Variants in WDR33 observed in about 807,000 individuals in gnomAD.
The protein encoded by WDR33 is WD repeat domain 33, also known as pre-mRNA 3' end processing protein WDR33.
WDR33 carries 47 observed loss-of-function variants against 164.9 expected under a neutral mutation model. The ratio of observed to expected loss-of-function variants is 0.29; its 90% confidence interval spans 0.23 to 0.36. The LOEUF is 0.36. Ranked by LOEUF, WDR33 falls within the 10% of genes least tolerant of loss-of-function variation. The probability of loss-of-function intolerance (pLI) is 1.00; values close to 1 mark genes in which losing one functional copy is unlikely to be tolerated. For synonymous variants in WDR33, 505 were observed against 589.0 expected (o/e 0.86, Z 2.06); for missense variants, 1,137 against 1,754.1 (o/e 0.65, Z 6.28).
At chr2:127,725,569 A>C (rs974634819) in intron 8 of WDR33, among the ~76,000 whole-genome samples, 1 of 152,124 alleles carries the variant, frequency 6.6e-6, no homozygotes, top group Non-Finnish European at 1.5e-5. Context: ...CCCAGACTCT[A>C]CTAAAAATAC....
chr2:127,742,361 T>C (rs187316482), intron 7 of WDR33, among the ~76,000 whole-genome samples: 3 of 150,890 alleles, frequency 2.0e-5, no homozygotes, highest in Admixed American at 1.3e-4. Flanking sequence ...TAAAACTAAA[T>C]AAAAATAAAA....
intron 1 of WDR33, among the ~76,000 whole-genome samples, chr2:127,773,600 T>A (rs893214399): frequency 2.0e-5 from 3 of 152,364 alleles, no homozygotes; most frequent in African/African-American, 7.2e-5. Context: ...GAGCTGTGTG[T>A]GAATTAAACG....
Position 127,797,027 on chromosome 2 carries a change from CA to C in WDR33, c.-24+13984del, listed in dbSNP as rs1689064839. On this transcript the variant is annotated intron_variant, in intron 1 of 21. Transcript: ENST00000322313. ...TCAATACTCACAGTGCACCACCAGT[CA>C]TTCCACCACACAAAGCACATGAATG... Among the ~76,000 whole-genome samples the C allele has an allele frequency of 2.0e-5, 3 of 152,150 alleles. No individual in the cohort carries two copies. The South Asian group carries it at 6.2e-4, about 32-fold the overall frequency.
chr2:127,711,782 T>TATATATATATATATATATATATATATA (rs1558919467), intron 18 of WDR33, among the ~76,000 whole-genome samples: 3 of 84,430 alleles, frequency 3.6e-5, no homozygotes, highest in African/African-American at 1.5e-4. Flanking sequence ...ATATATATAT[T>TATATATATATATATATATATATATATA]TTTTTTTTGA....
Position 127,704,133 on chromosome 2 carries a change from CTCAAA to C in WDR33, c.*2185_*2189del, listed in dbSNP as rs1014627679. On this transcript the variant is annotated 3_prime_UTR_variant, in exon 22 of 22. Transcript: ENST00000322313. ...CGAGACCTTGTCTCAAAAATTTTTT[CTCAAA>C]TCAAACATCATTGAAAATCTACTTT... 2 of 166,458 alleles carry C rather than the reference CTCAAA, an allele frequency of 1.2e-5. No homozygotes were observed. Among genetic ancestry groups the C allele is most frequent in the African/African-American group, 2.4e-5 (1 of 41,210 alleles). 10.3% of individuals were successfully genotyped at this position (166,458 alleles called of 1,614,324 possible). A position where few individuals can be genotyped will look rare whatever the true frequency, so the allele number is the denominator to read the frequency against.
At chr2:127,752,620 A>G (rs927566375) in intron 7 of WDR33, among the ~76,000 whole-genome samples, 2 of 145,900 alleles carry the variant, frequency 1.4e-5, no homozygotes, top group African/African-American at 5.1e-5. Context: ...AAAAAAAAAA[A>G]GAAACAGTCT....
intron 1 of WDR33, among the ~76,000 whole-genome samples, chr2:127,785,932 CT>C (rs1688548950): frequency 6.6e-6 from 1 of 152,256 alleles, no homozygotes; most frequent in South Asian, 2.1e-4. Flanking sequence ...TGCATTCCAA[CT>C]GGCAAAGTGA....
chr2:127,717,133 A>G lies in WDR33; in HGVS notation c.2869+22T>C. ...CAAAGGTGGTAGAATATAATCTTTTATTCAGCTGAGCAGATATTTACCTTT... is the reference window on the plus strand; with the variant it reads ...CAAAGGTGGTAGAATATAATCTTTTGTTCAGCTGAGCAGATATTTACCTTT... On this transcript the variant is annotated intron_variant, in intron 17 of 21. Coordinates refer to ENST00000322313, the MANE Select transcript of WDR33 (RefSeq NM_018383.5). The surrounding 1 kb of genome is among the most constrained non-coding windows in gnomAD (Gnocchi z 5.6). 3.2e-6 allele frequency: 5 copies of G among 1,572,124 alleles called. No individual in the cohort carries two copies. Among genetic ancestry groups the G allele is most frequent in the Non-Finnish European group, 4.3e-6 (5 of 1,154,992 alleles).
Position 127,770,431 on chromosome 2 carries a change from T to C in WDR33, c.204+347A>G, listed in dbSNP as rs1687963536. Among the ~76,000 whole-genome samples the C allele has an allele frequency of 6.6e-6, 1 of 152,194 alleles. No homozygotes were observed. The highest frequency in any genetic ancestry group is 1.5e-5 in the Non-Finnish European group (1 of 68,028). ...CAGGCCGGGCGCAGTGGCTCATGCC[T>C]GTAATCCCAGCACTTTGGGAGACTG... On this transcript the variant is annotated intron_variant, in intron 2 of 21. Coordinates refer to ENST00000322313, the MANE Select transcript of WDR33 (RefSeq NM_018383.5). The surrounding 1 kb of genome is among the most constrained non-coding windows in gnomAD (Gnocchi z 4.9).
chr2:127,761,319 GC>G (rs2105430614), intron 7 of WDR33, among the ~76,000 whole-genome samples: 1 of 152,000 alleles, frequency 6.6e-6, no homozygotes, highest in East Asian at 1.9e-4. Context: ...TCCTGCCTCA[GC>G]CTCCCGAGTA....
In WDR33 at chr2:127,701,794, T is replaced by C. The variant is rs965767466; in HGVS notation, c.*4529A>G. On this transcript the variant is annotated 3_prime_UTR_variant, in exon 22 of 22. Coordinates refer to ENST00000322313, the MANE Select transcript of WDR33 (RefSeq NM_018383.5). Reference sequence around the variant, plus strand: ...GGCGGGTGCCTGCTGCTGGCTGCACTGTGTTTCGGCCTAGCCGCGCTCTAC... The same window carrying C: ...GGCGGGTGCCTGCTGCTGGCTGCACCGTGTTTCGGCCTAGCCGCGCTCTAC... The C allele has an allele frequency of 6.1e-5, 89 of 1,451,094 alleles. No individual in the cohort carries two copies. Among genetic ancestry groups the C allele is most frequent in the Non-Finnish European group, 7.4e-5 (82 of 1,105,256 alleles). 89.9% of individuals were successfully genotyped at this position (1,451,094 alleles called of 1,614,324 possible). A position where few individuals can be genotyped will look rare whatever the true frequency, so the allele number is the denominator to read the frequency against.
Position 127,713,529 on chromosome 2 carries a change from G to A in WDR33, c.3308+54C>T. On this transcript the variant is annotated intron_variant, in intron 18 of 21. Transcript: ENST00000322313. This position sits in a 1 kb window ranked among gnomAD's most constrained non-coding sequence, Gnocchi z 6.2. The stretch of plus-strand genomic sequence containing the variant: ...GAAGAAAGAGACCTTTGTGGAGACA[G>A]CAGATAAAAAGCTCCACTGAAGATG... 6.4e-7 allele frequency: 1 copy of A among 1,570,966 alleles called. No individual in the cohort carries two copies.
At chr2:127,736,558 T>G in intron 7 of WDR33, 1 of 985,484 alleles carries the variant, frequency 1.0e-6, no homozygotes, top group Non-Finnish European at 1.2e-6. Flanking sequence ...ACATTTACTT[T>G]GCCTATGTAG....
At chr2:127,752,329 G>A (rs1237701039) in intron 7 of WDR33, among the ~76,000 whole-genome samples, 4 of 152,140 alleles carry the variant, frequency 2.6e-5, no homozygotes, top group East Asian at 3.9e-4. Context: ...GGTGGCTCAC[G>A]CCTGTAATCC....
At chr2:127,805,080 T>TC (rs1689386790) in intron 1 of WDR33, among the ~76,000 whole-genome samples, 1 of 134,346 alleles carries the variant, frequency 7.4e-6, no homozygotes, top group Non-Finnish European at 1.6e-5. Context: ...TTTTTTTTTT[T>TC]TTTTTTTTTT....
Position 127,706,414 on chromosome 2 carries a change from C to G in WDR33, c.3920G>C (p.Gly1307Ala). 1 of 1,613,754 alleles carries G rather than the reference C, an allele frequency of 6.2e-7. No homozygotes were observed. Among genetic ancestry groups the G allele is most frequent in the Non-Finnish European group, 8.5e-7 (1 of 1,179,856 alleles). Reference sequence around the variant, plus strand: ...TCTACCCCAGTTACTGCCACTCCGGCCCCCTCGAGAAGGGGTGCCACTGCC... The same window carrying G: ...TCTACCCCAGTTACTGCCACTCCGGGCCCCTCGAGAAGGGGTGCCACTGCC... ...PPGSGTPSRGGRSGSNWGRGS... is the reference protein window; with the variant it reads ...PPGSGTPSRGARSGSNWGRGS... The change falls in exon 22 of 22, where the codon GGC becomes GCC. Residue 1307 changes from glycine to alanine, a missense_variant. Transcript: ENST00000322313. The surrounding 1 kb of genome is among the most constrained non-coding windows in gnomAD (Gnocchi z 5.1).
intron 1 of WDR33, among the ~76,000 whole-genome samples, chr2:127,781,738 C>T (rs1460890958): frequency 3.3e-5 from 5 of 151,288 alleles, no homozygotes; most frequent in Admixed American, 2.0e-4. Flanking sequence ...GTGGCTCATG[C>T]CTATAATCCT....
In WDR33 at chr2:127,702,092, G is replaced by T. The variant is rs946740545; in HGVS notation, c.*4231C>A. 1 of 1,216,452 alleles carries T rather than the reference G, an allele frequency of 8.2e-7. No homozygotes were observed. The highest frequency in any genetic ancestry group is 1.0e-6 in the Non-Finnish European group (1 of 980,730). 75.4% of individuals were successfully genotyped at this position (1,216,452 alleles called of 1,614,324 possible). A position where few individuals can be genotyped will look rare whatever the true frequency, so the allele number is the denominator to read the frequency against. ...TGCTGGCCGCGCTGGTTGGGCTGCT[G>T]CCCTGGGGCGGCGGCACCGCGCTGC... On this transcript the variant is annotated 3_prime_UTR_variant, in exon 22 of 22. Transcript: ENST00000322313.
chr2:127,701,822 A>T lies in WDR33; in HGVS notation c.*4501T>A. 6.9e-7 allele frequency: 1 copy of T among 1,457,708 alleles called. No homozygotes were observed. Among genetic ancestry groups the T allele is most frequent in the Non-Finnish European group, 9.0e-7 (1 of 1,109,156 alleles). 90.3% of individuals were successfully genotyped at this position (1,457,708 alleles called of 1,614,324 possible). A position where few individuals can be genotyped will look rare whatever the true frequency, so the allele number is the denominator to read the frequency against. On this transcript the variant is annotated 3_prime_UTR_variant, in exon 22 of 22. Coordinates refer to ENST00000322313, the MANE Select transcript of WDR33 (RefSeq NM_018383.5). ...GTTTCGGCCTAGCCGCGCTCTACGC[A>T]CCGGTGTTGCTGCTGCGCGCGCGCA...
Sources: allele counts gnomAD v4.1 joint callset (sites outside exome capture counted in the v4.1 genomes callset), GRCh38; gene constraint gnomAD v4.1.1; non-coding constraint Gnocchi (gnomAD v3.1); transcripts MANE v1.5; gene names NCBI Gene and HGNC (gene_info 2026-07-23, HGNC 2026-07-21).